Variants in ATG5 observed in about 807,000 individuals in gnomAD.
The protein encoded by ATG5 is autophagy protein 5.
A neutral mutation model predicts 36.5 loss-of-function variants in ATG5; 14 were observed. That is an observed-to-expected ratio of 0.38 (90% CI 0.25 to 0.60). ATG5 has a LOEUF of 0.60. ATG5 is among the 20% of genes least tolerant of loss of function. The pLI is 0.60. For missense variants in ATG5, 195 were observed against 326.7 expected (o/e 0.60, Z 3.11); for synonymous variants, 95 against 101.5 (o/e 0.94, Z 0.38).
chr6:106,314,413 C>T (rs992198797), intron 2 of ATG5, among the ~76,000 whole-genome samples: 8 of 151,930 alleles, frequency 5.3e-5, no homozygotes, highest in African/African-American at 1.9e-4. Flanking sequence ...AAAAATTAAC[C>T]GAGCATGATG....
intron 5 of ATG5, among the ~76,000 whole-genome samples, chr6:106,266,554 A>C (rs557486713): frequency 6.6e-6 from 1 of 152,366 alleles, no homozygotes; most frequent in African/African-American, 2.4e-5. Flanking sequence ...ACAAAAAAAG[A>C]AAATTTCAGG....
chr6:106,223,570 T>C (rs1019713903), intron 6 of ATG5, among the ~76,000 whole-genome samples: 3 of 152,202 alleles, frequency 2.0e-5, no homozygotes, highest in African/African-American at 4.8e-5. Flanking sequence ...GTAGGAAATA[T>C]GATTCAAGTT....
At chr6:106,264,483 A>G (rs1779151686) in intron 5 of ATG5, among the ~76,000 whole-genome samples, 1 of 152,158 alleles carries the variant, frequency 6.6e-6, no homozygotes, top group Admixed American at 6.5e-5. Flanking sequence ...TTCAGGAAAT[A>G]CAGAGAACAC....
intron 7 of ATG5, among the ~76,000 whole-genome samples, chr6:106,186,929 C>T (rs1775793772): frequency 6.6e-6 from 1 of 152,156 alleles, no homozygotes; most frequent in Non-Finnish European, 1.5e-5. Flanking sequence ...TTCTTAATTA[C>T]TGTGCTTACT....
intron 3 of ATG5, among the ~76,000 whole-genome samples, chr6:106,295,087 C>T (rs963062464): frequency 1.3e-5 from 2 of 151,912 alleles, no homozygotes; most frequent in Non-Finnish European, 2.9e-5. Flanking sequence ...CATATACACA[C>T]ATATATAGTA....
chr6:106,243,102 C>T (rs1163817334), intron 6 of ATG5, among the ~76,000 whole-genome samples: 2 of 152,120 alleles, frequency 1.3e-5, no homozygotes, highest in Admixed American at 6.6e-5. Context: ...TGTACTTTTT[C>T]TCTCCCCAAA....
chr6:106,309,803 A>G (rs1345170081), intron 2 of ATG5, among the ~76,000 whole-genome samples: 1 of 152,180 alleles, frequency 6.6e-6, no homozygotes, highest in Non-Finnish European at 1.5e-5. Context: ...AAAATATGTA[A>G]GTATAATCTA....
At chr6:106,293,207 G>A (rs1179359639) in intron 3 of ATG5, 101 bp from the exon 4 acceptor site, 2 of 894,866 alleles carry the variant, frequency 2.2e-6, no homozygotes, top group African/African-American at 3.4e-5. Context: ...AAATGTCAGG[G>A]GCTTTAATCA....
intron 6 of ATG5, among the ~76,000 whole-genome samples, chr6:106,225,896 A>G (rs1777435080): frequency 6.6e-6 from 1 of 152,240 alleles, no homozygotes. Flanking sequence ...AAAAAATTAA[A>G]AGAAAAACCT....
chr6:106,307,694 G>A (rs767220880), intron 3 of ATG5, among the ~76,000 whole-genome samples: 20 of 151,846 alleles, frequency 1.3e-4, no homozygotes, highest in Admixed American at 2.6e-4. Flanking sequence ...GTGCCACCAC[G>A]CCCAACTAAT....
At chr6:106,238,834 A>G (rs997430784) in intron 6 of ATG5, among the ~76,000 whole-genome samples, 6 of 152,224 alleles carry the variant, frequency 3.9e-5, no homozygotes, top group African/African-American at 1.4e-4. Context: ...GTATTTTTTA[A>G]TAACCTGATA....
intron 5 of ATG5, among the ~76,000 whole-genome samples, chr6:106,276,198 C>A (rs967471828): frequency 5.3e-5 from 8 of 152,232 alleles, no homozygotes; most frequent in African/African-American, 1.7e-4. Flanking sequence ...GGCGCGGTGG[C>A]TCACGCCTGT....
At chr6:106,265,530 C>T (rs903936402) in intron 5 of ATG5, among the ~76,000 whole-genome samples, 2 of 152,148 alleles carry the variant, frequency 1.3e-5, no homozygotes, top group African/African-American at 4.8e-5. Context: ...AACTCTCCAT[C>T]CCAAATCAAC....
At chr6:106,251,852 T>C (rs367619060) in intron 5 of ATG5, among the ~76,000 whole-genome samples, 2 of 151,602 alleles carry the variant, frequency 1.3e-5, no homozygotes, top group African/African-American at 4.9e-5. Context: ...TTTGTTCCTT[T>C]TAAAAAGAGA....
At chr6:106,205,175 C>G (rs1385271488) in intron 6 of ATG5, among the ~76,000 whole-genome samples, 1 of 152,072 alleles carries the variant, frequency 6.6e-6, no homozygotes, top group African/African-American at 2.4e-5. Flanking sequence ...ACCAGAATGA[C>G]TGGTGAGAGG....
At chr6:106,291,978 T>A (rs1031741325) in intron 4 of ATG5, among the ~76,000 whole-genome samples, 1 of 152,296 alleles carries the variant, frequency 6.6e-6, no homozygotes, top group East Asian at 1.9e-4. Context: ...AAGCATCACA[T>A]GAAGAATGAA....
intron 5 of ATG5, among the ~76,000 whole-genome samples, chr6:106,266,817 ACT>A (rs1371497040): frequency 1.3e-5 from 2 of 152,036 alleles, no homozygotes; most frequent in Non-Finnish European, 2.9e-5. Flanking sequence ...CATGCTAAAA[ACT>A]CTCAATAAGC....
chr6:106,203,933 T>A (rs1776531108), intron 6 of ATG5, among the ~76,000 whole-genome samples: 1 of 152,164 alleles, frequency 6.6e-6, no homozygotes, highest in Admixed American at 6.5e-5. Context: ...GAAATAGACA[T>A]GGATGAAGCT....
chr6:106,216,225 AACCCAGCAATTCT>A lies in ATG5; in HGVS notation c.574-14149_574-14137del, dbSNP rs146182438. Among the ~76,000 whole-genome samples, 831 of 152,332 alleles carry A rather than the reference AACCCAGCAATTCT, an allele frequency of 5.5e-3. 4 individuals carry two copies. The highest frequency in any genetic ancestry group is 0.019 in the African/African-American group (788 of 41,580). On this transcript the variant is annotated intron_variant, in intron 6 of 7. Transcript: ENST00000369076. ...AGGTTTAAACGTGGAATTACCATGC[AACCCAGCAATTCT>A]ACTCCTAAGTATCTACCCAAGAGAA...
Sources: gnomAD v4.1 joint callset for allele counts (sites outside exome capture counted in the v4.1 genomes callset) on GRCh38, gnomAD v4.1.1 for gene constraint, MANE v1.5 for transcripts, NCBI Gene and HGNC (gene_info 2026-07-23, HGNC 2026-07-21) for gene names.